The following LUC7L2 variants were observed in gnomAD, a reference collection of about 807,000 sequenced individuals.
LUC7L2 encodes the protein LUC7 like 2, pre-mRNA splicing factor, also known as putative RNA-binding protein Luc7-like 2.
In LUC7L2, 25 loss-of-function variants were observed where a neutral mutation model predicts 52.8. The ratio of observed to expected loss-of-function variants is 0.47; its 90% CI spans 0.34 to 0.66. The LOEUF is 0.66. Among genes scored for constraint, LUC7L2 ranks in the 30% least tolerant of loss-of-function variants. LUC7L2 has a pLI of 0.01. For missense variants in LUC7L2, 328 were observed against 497.8 expected, an observed-to-expected ratio of 0.66 and a Z score of 3.25; for synonymous variants, 144 against 160.9, an observed-to-expected ratio of 0.89 and a Z score of 0.80.
upstream of LUC7L2, among the ~76,000 whole-genome samples, chr7:139,356,633 CAGAT>C (rs949390773): frequency 8.8e-5 from 13 of 148,198 alleles, no homozygotes; most frequent in African/African-American, 3.3e-4. Flanking sequence ...AAAAAAAAGT[CAGAT>C]AGTAAATATT....
At chr7:139,360,495 G>A (rs1030856801) in intron 1 of LUC7L2, among the ~76,000 whole-genome samples, 173 bp downstream of exon 1, 4 of 152,226 alleles carry the variant, frequency 2.6e-5, no homozygotes, top group Non-Finnish European at 4.4e-5. Context: ...GGCGGGCAGG[G>A]GGGGCGGTGA....
chr7:139,369,210 C>G (rs1800318109), intron 1 of LUC7L2, among the ~76,000 whole-genome samples: 1 of 152,134 alleles, frequency 6.6e-6, no homozygotes, highest in Non-Finnish European at 1.5e-5. Context: ...CACCGGCTAT[C>G]CAGAGTGCAA....
chr7:139,375,484 T>C, intron 1 of LUC7L2: 1 of 985,492 alleles, frequency 1.0e-6, no homozygotes, highest in Non-Finnish European at 1.2e-6. Flanking sequence ...CGCGTTATTC[T>C]ACCCTCTCTA....
At chr7:139,405,125 T>G (rs1795064054) in intron 4 of LUC7L2, among the ~76,000 whole-genome samples, 2 of 152,180 alleles carry the variant, frequency 1.3e-5, no homozygotes, top group South Asian at 4.1e-4. Flanking sequence ...TGTGTTTAAG[T>G]GGGGCTGGGA....
chr7:139,401,601 C>T (rs1213433050), intron 3 of LUC7L2, among the ~76,000 whole-genome samples: 1 of 151,928 alleles, frequency 6.6e-6, no homozygotes, highest in African/African-American at 2.4e-5. Flanking sequence ...TACAGGCGCG[C>T]ACTACCATGC....
intron 1 of LUC7L2, chr7:139,341,430 C>T (rs1585052571): frequency 6.2e-7 from 1 of 1,613,490 alleles, no homozygotes; most frequent in Non-Finnish European, 8.5e-7. Flanking sequence ...AGGACTTCTG[C>T]GGGAGTTGCG....
intron 4 of LUC7L2, among the ~76,000 whole-genome samples, chr7:139,405,283 AG>A (rs1230919326): frequency 6.6e-6 from 1 of 152,244 alleles, no homozygotes; most frequent in Non-Finnish European, 1.5e-5. Context: ...AGAAAACAAC[AG>A]GGTAAGTTTG....
intron 2 of LUC7L2, among the ~76,000 whole-genome samples, chr7:139,395,749 C>T (rs1001251990): frequency 1.3e-5 from 2 of 152,086 alleles, no homozygotes; most frequent in East Asian, 3.9e-4. Context: ...CAAGTGATCC[C>T]CCTGCCTCTG....
chr7:139,405,934 C>G, intron 5 of LUC7L2, 147 bp downstream of exon 5: 1 of 1,277,374 alleles, frequency 7.8e-7, no homozygotes, highest in Non-Finnish European at 1.0e-6. Context: ...AGAAGTTGAA[C>G]TAAAAGACAA....
upstream of LUC7L2, among the ~76,000 whole-genome samples, chr7:139,357,432 TAAA>T (rs763155412): frequency 6.6e-6 from 1 of 151,808 alleles, no homozygotes; most frequent in African/African-American, 2.4e-5. Context: ...ACATCTAAAA[TAAA>T]AAAAAGAACT....
chr7:139,360,187 C>T lies in LUC7L2; in HGVS notation c.-75C>T. On this transcript the variant is annotated 5_prime_UTR_variant, in exon 1 of 10. Coordinates refer to ENST00000354926, the MANE Select transcript of LUC7L2 (RefSeq NM_016019.5). ...GACAGCAGCGCACCTTCCCCCATCC[C>T]TTCCCCTTATCCCCCAGCCCAAAAG... The T allele has an allele frequency of 8.3e-7, 1 of 1,200,968 alleles. No homozygotes were observed. The highest frequency in any genetic ancestry group is 1.2e-6 in the Non-Finnish European group (1 of 846,552). The allele number at this position is 1,200,968 out of a possible 1,614,324, so 74.4% of individuals were successfully genotyped here.
At chr7:139,403,215 T>C (rs138683817) in intron 4 of LUC7L2, among the ~76,000 whole-genome samples, 1 of 152,364 alleles carries the variant, frequency 6.6e-6, no homozygotes, top group East Asian at 1.9e-4. Flanking sequence ...ACCACAGTAA[T>C]ACATACATAA....
At chr7:139,380,003 C>T (rs1167016911) in intron 2 of LUC7L2, among the ~76,000 whole-genome samples, 1 of 151,018 alleles carries the variant, frequency 6.6e-6, no homozygotes, top group African/African-American at 2.4e-5. Context: ...CATGGTGAAA[C>T]CCCATCTCTA....
intron 2 of LUC7L2, among the ~76,000 whole-genome samples, chr7:139,380,523 C>T (rs774559981): frequency 4.6e-5 from 7 of 152,182 alleles, no homozygotes; most frequent in Non-Finnish European, 7.4e-5. Flanking sequence ...TCGCTCAAAC[C>T]CTGGAGGTGG....
At chr7:139,347,167 A>G (rs372254376) in intron 1 of LUC7L2, among the ~76,000 whole-genome samples, 26 of 152,300 alleles carry the variant, frequency 1.7e-4, no homozygotes, top group African/African-American at 3.4e-4. Context: ...CTCGGGGACT[A>G]TGTCTCATTC....
chr7:139,350,842 A>G lies in LUC7L2; in HGVS notation c.-26+10325A>G, dbSNP rs1009201004. ...CAGGCGCCCGCCACAACGCCTGGCTAATTTTGTATTTTTAGTAGAGATGGG... is the reference window on the plus strand; with the variant it reads ...CAGGCGCCCGCCACAACGCCTGGCTGATTTTGTATTTTTAGTAGAGATGGG... On this transcript the variant is annotated intron_variant, in intron 1 of 10. Coordinates refer to the LUC7L2 transcript ENST00000541170. Among the ~76,000 whole-genome samples, 32 of 151,640 alleles carry G rather than the reference A, an allele frequency of 2.1e-4. No homozygotes were observed. The South Asian group carries it at 3.1e-3, about 15-fold the overall frequency.
exon 1 of LUC7L2, chr7:139,340,513 C>G (rs1798881018): frequency 2.5e-6 from 1 of 398,490 alleles, no homozygotes. Context: ...GGTGCAGTTT[C>G]GAGGGTAAAG....
intron 8 of LUC7L2, among the ~76,000 whole-genome samples, chr7:139,413,928 G>A (rs1456332993): frequency 6.6e-6 from 1 of 152,178 alleles, no homozygotes; most frequent in African/African-American, 2.4e-5. Flanking sequence ...GATCTAGCAT[G>A]ATAAGTAGAA....
chr7:139,407,996 G>A (rs532082045), intron 6 of LUC7L2, among the ~76,000 whole-genome samples: 1 of 152,208 alleles, frequency 6.6e-6, no homozygotes, highest in South Asian at 2.1e-4. Flanking sequence ...CTTTTAATAT[G>A]CTGATAGCTT....
Sources: allele counts gnomAD v4.1 joint callset (sites outside exome capture counted in the v4.1 genomes callset), GRCh38; gene constraint gnomAD v4.1.1; transcripts MANE v1.5; gene names NCBI Gene and HGNC (gene_info 2026-07-23, HGNC 2026-07-21).